CASD1: variants seen among roughly 807,000 people sequenced by gnomAD.
CASD1 encodes CAS1 domain sialic acid O acetyltransferase 1, also known as N-acetylneuraminate (7)9-O-acetyltransferase.
Under a neutral mutation model 100.0 loss-of-function variants are expected in CASD1, and 41 were observed. The observed-to-expected ratio is 0.41, with a 90% CI of 0.32 to 0.53. CASD1 has a LOEUF of 0.53. Among genes scored for constraint, CASD1 ranks in the 20% least tolerant of loss-of-function variants. The pLI is 0.25. For synonymous variants in CASD1, 321 were observed against 315.6 expected (o/e 1.02, Z -0.18); for missense variants, 774 against 948.7 (o/e 0.82, Z 2.42).
chr7:94,544,584 A>T, intron 11 of CASD1, 54 bp downstream of exon 11: 1 of 1,570,802 alleles, frequency 6.4e-7, no homozygotes, highest in Non-Finnish European at 8.6e-7. Context: ...TTTCTTGAGA[A>T]AGCATTAACT....
At chr7:94,611,158 A>G in the CASD1 span, among the ~76,000 whole-genome samples, 1 of 152,242 alleles carries the variant, frequency 6.6e-6, no homozygotes, top group African/African-American at 2.4e-5. Context: ...TATACTTCAG[A>G]AAAATGAAAA....
At chr7:94,583,228 T>TA in the CASD1 span, among the ~76,000 whole-genome samples, 28 of 152,326 alleles carry the variant, frequency 1.8e-4, no homozygotes, top group Admixed American at 9.1e-4. Flanking sequence ...AGTGTAGACT[T>TA]ACAGATGTGA....
the CASD1 span, among the ~76,000 whole-genome samples, chr7:94,567,882 T>G: frequency 1.3e-5 from 2 of 152,210 alleles, no homozygotes; most frequent in Admixed American, 1.3e-4. Flanking sequence ...TTTTTATGTA[T>G]TCTTACAGAG....
chr7:94,595,763 T>C, the CASD1 span, among the ~76,000 whole-genome samples: 3 of 152,238 alleles, frequency 2.0e-5, no homozygotes, highest in East Asian at 5.8e-4. Context: ...ATACAATAAA[T>C]TCCCTATTAT....
chr7:94,511,390 A>T (rs563756338), intron 1 of CASD1, among the ~76,000 whole-genome samples: 1 of 152,254 alleles, frequency 6.6e-6, no homozygotes, highest in Non-Finnish European at 1.5e-5. Flanking sequence ...TTGCTGCTTT[A>T]TTTCTTCCAA....
chr7:94,522,862 C>T (rs886782160), intron 3 of CASD1, among the ~76,000 whole-genome samples: 1 of 152,022 alleles, frequency 6.6e-6, no homozygotes, highest in Non-Finnish European at 1.5e-5. Flanking sequence ...AGGGTTTCAC[C>T]GTGTTAGCCA....
downstream of CASD1, among the ~76,000 whole-genome samples, chr7:94,558,711 C>A (rs1292865249): frequency 6.6e-6 from 1 of 152,016 alleles, no homozygotes; most frequent in Non-Finnish European, 1.5e-5. Flanking sequence ...AAAATGGTTT[C>A]CAGAAAAGGA....
chr7:94,517,708 T>C, intron 2 of CASD1, 52 bp downstream of exon 2: 1 of 1,083,540 alleles, frequency 9.2e-7, no homozygotes, highest in Non-Finnish European at 1.4e-6. Flanking sequence ...TCTTAATATG[T>C]AGTGGAGAGG....
intron 11 of CASD1, 46 bp downstream of exon 11, chr7:94,544,576 T>C (rs754054609): frequency 3.2e-6 from 5 of 1,578,722 alleles, no homozygotes; most frequent in Non-Finnish European, 3.4e-6. Context: ...GAACATACTT[T>C]CTTGAGAAAG....
chr7:94,540,717 A>G lies in CASD1; in HGVS notation c.1356+1661A>G, dbSNP rs17269576. On this transcript the variant is annotated intron_variant, in intron 10 of 17. Coordinates refer to ENST00000297273, the MANE Select transcript of CASD1 (RefSeq NM_022900.5). ...TTTATAAGCCCAGCTAAGAATTTGTAGGATAAATCCAGAGATTCTCTGAGA... is the reference window on the plus strand; with the variant it reads ...TTTATAAGCCCAGCTAAGAATTTGTGGGATAAATCCAGAGATTCTCTGAGA... 9.3e-3 allele frequency among the ~76,000 whole-genome samples: 1,416 copies of G among 152,304 alleles called. 6 individuals are homozygous for G. Among genetic ancestry groups the G allele is most frequent in the Non-Finnish European group, 0.016 (1,100 of 68,012 alleles).
chr7:94,598,880 G>T, the CASD1 span: 2 of 1,613,168 alleles, frequency 1.2e-6, no homozygotes, highest in Non-Finnish European at 1.7e-6. Flanking sequence ...CGTTGACAGG[G>T]GCCATGCTAT....
chr7:94,514,775 T>TTG (rs374520322), intron 1 of CASD1, among the ~76,000 whole-genome samples: 79 of 151,766 alleles, frequency 5.2e-4, no homozygotes, highest in Middle Eastern at 3.4e-3. Flanking sequence ...CTTAGTTTCT[T>TTG]TGTGTGTGTG....
chr7:94,588,837 G>A, the CASD1 span: 1 of 1,262,072 alleles, frequency 7.9e-7, no homozygotes, highest in East Asian at 2.4e-5. Flanking sequence ...TATGACCCCA[G>A]TCATGTAATC....
At chr7:94,547,607 G>C (rs963951237) in intron 13 of CASD1, among the ~76,000 whole-genome samples, 2 of 151,750 alleles carry the variant, frequency 1.3e-5, no homozygotes, top group South Asian at 4.1e-4. Context: ...AGGAGCAAAG[G>C]GGTTTGTGTA....
At chr7:94,549,441 C>G (rs1328400361) in intron 13 of CASD1, 92 bp from the exon 14 acceptor site, 9 of 823,992 alleles carry the variant, frequency 1.1e-5, no homozygotes, top group African/African-American at 3.5e-5. Context: ...CTTATATAAT[C>G]CAAACTTCAG....
intron 13 of CASD1, 79 bp downstream of exon 13, chr7:94,547,254 C>T: frequency 9.5e-7 from 1 of 1,051,440 alleles, no homozygotes. Flanking sequence ...TGAGAAGAGT[C>T]AGAGCTTTTT....
chr7:94,569,638 C>CT, the CASD1 span, among the ~76,000 whole-genome samples: 3 of 151,702 alleles, frequency 2.0e-5, no homozygotes, highest in African/African-American at 4.8e-5. Context: ...AGATAGGAGT[C>CT]TATCTATGTT....
intron 3 of CASD1, among the ~76,000 whole-genome samples, chr7:94,523,929 T>C (rs540178579): frequency 1.3e-5 from 2 of 152,272 alleles, no homozygotes; most frequent in Non-Finnish European, 2.9e-5. Context: ...GAAATGCCAT[T>C]GATGATCTCT....
intron 3 of CASD1, among the ~76,000 whole-genome samples, chr7:94,523,872 GA>G (rs1399491831): frequency 1.3e-5 from 2 of 152,088 alleles, no homozygotes; most frequent in Non-Finnish European, 1.5e-5. Flanking sequence ...ATAGACTGTA[GA>G]GCTCTAAAAT....
Sources: gnomAD v4.1 joint callset for allele counts (sites outside exome capture counted in the v4.1 genomes callset) on GRCh38, gnomAD v4.1.1 for gene constraint, MANE v1.5 for transcripts, NCBI Gene and HGNC (gene_info 2026-07-23, HGNC 2026-07-21) for gene names.